The following LTBR variants were observed in gnomAD, a reference collection of about 807,000 sequenced individuals.
LTBR encodes the protein lymphotoxin beta receptor.
A neutral mutation model predicts 45.4 loss-of-function variants in LTBR; 15 were observed. The observed-to-expected ratio is 0.33, with a 90% CI of 0.22 to 0.51. LTBR has a LOEUF of 0.51. Among genes scored for constraint, LTBR ranks in the 20% least tolerant of loss-of-function variants. The probability of loss-of-function intolerance (pLI) is 0.97; values close to 1 mark genes in which losing one functional copy is unlikely to be tolerated. For missense variants in LTBR, 450 were observed against 565.5 expected, an observed-to-expected ratio of 0.80 and a Z score of 2.07; for synonymous variants, 228 against 231.0, an observed-to-expected ratio of 0.99 and a Z score of 0.12.
At position 6,388,777 on chromosome 12, in the gene LTBR, A is replaced by C; in HGVS notation, c.776-23A>C. On this transcript the variant is annotated intron_variant, in intron 7 of 9. Coordinates refer to ENST00000228918, the MANE Select transcript of LTBR (RefSeq NM_002342.3). The surrounding 1 kb of genome is among the most constrained non-coding windows in gnomAD (Gnocchi z 4.3). ...GTCTGAGGCCTGCCGGGGAGCCTAC[A>C]CCCATTTCATTCTCCATTGCAGGAT... The C allele has an allele frequency of 6.2e-7, 1 of 1,613,904 alleles. No homozygotes were observed. Among genetic ancestry groups the C allele is most frequent in the Non-Finnish European group, 8.5e-7 (1 of 1,179,950 alleles).
chr12:6,375,306 T>C, upstream of LTBR: 1 of 1,434,832 alleles, frequency 7.0e-7, no homozygotes, highest in South Asian at 1.5e-5. Context: ...CCCCCTTGCC[T>C]TGCCCCCTCT....
intron 3 of LTBR, 34 bp from the exon 4 acceptor site, chr12:6,385,193 G>A (rs1463191751): frequency 6.2e-7 from 1 of 1,614,112 alleles, no homozygotes; most frequent in Non-Finnish European, 8.5e-7. Context: ...CCTGGAGCTT[G>A]GCCCCTCCCT....
chr12:6,381,894 C>T (rs1218714825), upstream of LTBR, among the ~76,000 whole-genome samples: 1 of 152,120 alleles, frequency 6.6e-6, no homozygotes, highest in East Asian at 1.9e-4. Flanking sequence ...ATTGTTTGAA[C>T]CTGGGAGGCA....
upstream of LTBR, among the ~76,000 whole-genome samples, chr12:6,382,645 G>T (rs1297047694): frequency 2.0e-5 from 3 of 152,212 alleles, no homozygotes; most frequent in Non-Finnish European, 4.4e-5. Context: ...TGAGGGGAGA[G>T]AGCCTCACAG....
At chr12:6,384,738 C>G in intron 2 of LTBR, 54 bp downstream of exon 2, 5 of 1,509,798 alleles carry the variant, frequency 3.3e-6, no homozygotes, top group South Asian at 1.1e-5. Context: ...CACGGGGGCT[C>G]CAGCCCCCTC....
At chr12:6,382,690 C>G (rs1948996317), upstream of LTBR, among the ~76,000 whole-genome samples, 1 of 152,186 alleles carries the variant, frequency 6.6e-6, no homozygotes, top group African/African-American at 2.4e-5. Context: ...GGTCCTTTCC[C>G]CCTTTTGTGA....
upstream of LTBR, among the ~76,000 whole-genome samples, chr12:6,383,544 C>T (rs552503454): frequency 3.9e-5 from 6 of 152,280 alleles, no homozygotes; most frequent in East Asian, 1.2e-3. Context: ...CTCCCCCTCT[C>T]TTTGGGAGGG....
chr12:6,386,668 C>A lies in LTBR; in HGVS notation c.667+224C>A, dbSNP rs910843060. Reference sequence around the variant, plus strand: ...AATTATATATACTGTAATACTATGTCAAGGAACACATCCCACACTGAGATG... The same window carrying A: ...AATTATATATACTGTAATACTATGTAAAGGAACACATCCCACACTGAGATG... On this transcript the variant is annotated intron_variant, in intron 6 of 9. Coordinates refer to ENST00000228918, the MANE Select transcript of LTBR (RefSeq NM_002342.3). The surrounding 1 kb of genome is among the most constrained non-coding windows in gnomAD (Gnocchi z 4.1). The A allele has an allele frequency of 5.8e-6, 3 of 516,546 alleles. No homozygotes were observed. The highest frequency in any genetic ancestry group is 1.0e-5 in the Non-Finnish European group (3 of 289,508). 32.0% of individuals were successfully genotyped at this position (516,546 alleles called of 1,614,324 possible).
rs913272147 is a variant in LTBR at position 6,389,916 on chromosome 12, C to T, written c.802-196C>T. The T allele has an allele frequency of 7.6e-5, 45 of 592,520 alleles. No homozygotes were observed. In the South Asian group the frequency reaches 8.8e-4, roughly 12 times the overall value. 36.7% of individuals were successfully genotyped at this position (592,520 alleles called of 1,614,324 possible). A position where few individuals can be genotyped will look rare whatever the true frequency, so the allele number is the denominator to read the frequency against. ...AGCCTGCAGTGAGCTATGATTGCAC[C>T]ACTGCACTGTAGCCTGGGTGACAGA... On this transcript the variant is annotated intron_variant, in intron 8 of 9. Transcript: ENST00000228918.
In LTBR at chr12:6,376,257, C is replaced by G. The variant is rs78715725; in HGVS notation, c.39+663C>G. On this transcript the variant is annotated intron_variant, in intron 1 of 9. Transcript: ENST00000539925. ...CTTTCCTGCTGATTCCTCGCCACCC[C>G]CTCCAACCTTGTCCAGACCCGGGAG... 1.6e-4 allele frequency: 143 copies of G among 913,508 alleles called. No homozygotes were observed. In the East Asian group the frequency reaches 0.014, roughly 87 times the overall value. The allele number at this position is 913,508 out of a possible 1,614,324, so 56.6% of individuals were successfully genotyped here. A position where few individuals can be genotyped will look rare whatever the true frequency, so the allele number is the denominator to read the frequency against.
upstream of LTBR, among the ~76,000 whole-genome samples, chr12:6,381,972 G>A (rs903512900): frequency 1.1e-4 from 17 of 152,156 alleles, no homozygotes; most frequent in Non-Finnish European, 2.4e-4. Flanking sequence ...ACTCTGTATG[G>A]AAAGGAAAAG....
intron 1 of LTBR, chr12:6,377,764 C>T (rs919797860): frequency 1.1e-6 from 1 of 889,860 alleles, no homozygotes; most frequent in African/African-American, 1.7e-5. Flanking sequence ...TATTTGCCAG[C>T]TCATGCCTGA....
rs199523369 is a variant in LTBR at position 6,384,999 on chromosome 12, C to T, written c.194-23C>T. ...GGGTGGAGCCTCGTCTCCTGAGGCT[C>T]TACTGCTCCACTCACGTTCTAGGCA... On this transcript the variant is annotated intron_variant, in intron 2 of 9. Coordinates refer to ENST00000228918, the MANE Select transcript of LTBR (RefSeq NM_002342.3). 6.0e-5 allele frequency: 97 copies of T among 1,614,038 alleles called. 1 individual carries two copies. The African/African-American group carries it at 1.2e-3, about 20-fold the overall frequency.
upstream of LTBR, chr12:6,375,417 C>T (rs1160785613): frequency 6.6e-7 from 1 of 1,526,024 alleles, no homozygotes; most frequent in African/African-American, 1.4e-5. Context: ...TCTGGGCTGC[C>T]TCCAGCTTCC....
chr12:6,377,105 G>GTTTA, intron 1 of LTBR: 1 of 620,246 alleles, frequency 1.6e-6, no homozygotes, highest in South Asian at 2.3e-5. Flanking sequence ...CAAGCAAGGA[G>GTTTA]TTTAGCAGGC....
At chr12:6,390,380 G>A (rs1250564463) in intron 9 of LTBR, 40 bp downstream of exon 9, 1 of 1,514,078 alleles carries the variant, frequency 6.6e-7, no homozygotes, top group East Asian at 2.4e-5. Context: ...GGATGGGGAG[G>A]GAGGGATGGC....
upstream of LTBR, chr12:6,375,381 C>A (rs991227367): frequency 2.8e-5 from 42 of 1,480,160 alleles, no homozygotes; most frequent in Non-Finnish European, 3.6e-5. Context: ...TCTGTCTCTG[C>A]CCCAGGACTG....
In LTBR at chr12:6,388,707, C is replaced by A; in HGVS notation, c.776-93C>A. On this transcript the variant is annotated intron_variant, in intron 7 of 9. Transcript: ENST00000228918. The surrounding 1 kb of genome is among the most constrained non-coding windows in gnomAD (Gnocchi z 4.3). ...TTGTTCCTCTGGGCCCCCGGGTGGT[C>A]AAGTTGCTACACATTGTGCTGGGAT... 2 of 1,516,658 alleles carry A rather than the reference C, an allele frequency of 1.3e-6. No individual in the cohort carries two copies. Among genetic ancestry groups the A allele is most frequent in the South Asian group, 2.3e-5 (2 of 88,122 alleles). The allele number at this position is 1,516,658 out of a possible 1,614,324, so 94.0% of individuals were successfully genotyped here. A position where few individuals can be genotyped will look rare whatever the true frequency, so the allele number is the denominator to read the frequency against.
upstream of LTBR, among the ~76,000 whole-genome samples, chr12:6,380,021 T>A (rs1013084046): frequency 6.6e-6 from 1 of 152,156 alleles, no homozygotes; most frequent in East Asian, 1.9e-4. Context: ...TTTATCAACC[T>A]TGGCACTATT....
Sources: gnomAD v4.1 joint callset for allele counts (sites outside exome capture counted in the v4.1 genomes callset) on GRCh38, gnomAD v4.1.1 for gene constraint, Gnocchi (gnomAD v3.1) non-coding constraint, MANE v1.5 for transcripts, NCBI Gene and HGNC (gene_info 2026-07-23, HGNC 2026-07-21) for gene names.